TECTA: variants seen among roughly 807,000 people sequenced by gnomAD.
TECTA encodes tectorin alpha.
Under a neutral mutation model 216.8 loss-of-function variants are expected in TECTA, and 128 were observed. The ratio of observed to expected loss-of-function variants is 0.59; its 90% CI spans 0.51 to 0.68. The LOEUF (loss-of-function observed/expected upper bound fraction) is 0.68, where lower values mean the gene tolerates loss of function less well. Ranked by LOEUF, TECTA falls within the 30% of genes least tolerant of loss-of-function variation. The pLI is 0.00. For missense variants in TECTA, 2,551 were observed against 2,786.2 expected, an observed-to-expected ratio of 0.92 and a Z score of 1.90; for synonymous variants, 1,089 against 1,117.1, an observed-to-expected ratio of 0.97 and a Z score of 0.50.
At chr11:121,126,137 G>A (rs1423092371) in intron 8 of TECTA, among the ~76,000 whole-genome samples, 1 of 152,234 alleles carries the variant, frequency 6.6e-6, no homozygotes, top group East Asian at 1.9e-4. Context: ...CACAGCAGGG[G>A]ACGGCAGCTC....
At chr11:121,109,959 A>C (rs766136343) in intron 4 of TECTA, 1 of 187,820 alleles carries the variant, frequency 5.3e-6, no homozygotes, top group Non-Finnish European at 1.1e-5. Flanking sequence ...TAGCGTTCCA[A>C]GTTTGGGCCC....
At chr11:121,137,316 G>A in intron 10 of TECTA, 105 bp from the exon 11 acceptor site, 1 of 1,449,772 alleles carries the variant, frequency 6.9e-7, no homozygotes, top group Non-Finnish European at 9.6e-7. Context: ...ACACGCACAT[G>A]CACTCACAAA....
chr11:121,165,649 G>T (rs537668447), intron 17 of TECTA, among the ~76,000 whole-genome samples: 5 of 152,294 alleles, frequency 3.3e-5, no homozygotes, highest in African/African-American at 1.2e-4. Flanking sequence ...GGTCCAAATT[G>T]ATCTTTTAGA....
At chr11:121,170,678 T>C (rs992452886) in intron 20 of TECTA, among the ~76,000 whole-genome samples, 6 of 152,176 alleles carry the variant, frequency 3.9e-5, no homozygotes, top group Non-Finnish European at 7.4e-5. Flanking sequence ...TGATGATTAG[T>C]AATGTTGAGA....
chr11:121,122,691 AAAG>A (rs774542862), intron 7 of TECTA, among the ~76,000 whole-genome samples: 15,438 of 134,494 alleles, frequency 0.11, 1,442 homozygotes, highest in Non-Finnish European at 0.16. Context: ...AAAAAAAAAA[AAAG>A]AAAGCCAAAA....
chr11:121,165,473 G>A, intron 17 of TECTA, 90 bp downstream of exon 17: 1 of 1,088,664 alleles, frequency 9.2e-7, no homozygotes, highest in Admixed American at 2.3e-5. Context: ...ACTTTGTGAA[G>A]CTTTCCCAAA....
At chr11:121,190,075 A>AAC (rs1227451764) in intron 23 of TECTA, 195 bp downstream of exon 23, 2 of 593,526 alleles carry the variant, frequency 3.4e-6, no homozygotes, top group African/African-American at 3.7e-5. Flanking sequence ...CAACAACAAC[A>AAC]AAAAAACCTT....
At chr11:121,184,725 C>T (rs1482578576) in intron 20 of TECTA, among the ~76,000 whole-genome samples, 3 of 152,184 alleles carry the variant, frequency 2.0e-5, no homozygotes, top group African/African-American at 7.2e-5. Context: ...CACACCGACT[C>T]CCTAAGTGAC....
intron 16 of TECTA, among the ~76,000 whole-genome samples, chr11:121,164,922 G>C (rs1034716741): frequency 8.5e-5 from 13 of 152,192 alleles, no homozygotes; most frequent in African/African-American, 3.1e-4. Flanking sequence ...TAGTGTAGTA[G>C]GTGCCTTAAT....
intron 11 of TECTA, among the ~76,000 whole-genome samples, chr11:121,141,193 T>C (rs563278442): frequency 6.6e-6 from 1 of 152,352 alleles, no homozygotes; most frequent in African/African-American, 2.4e-5. Flanking sequence ...CATTGCAGGA[T>C]CTGCTTATTC....
At chr11:121,180,813 C>CTTTTTTTTTTTTTTTTT (rs34807486) in intron 20 of TECTA, among the ~76,000 whole-genome samples, 1 of 119,998 alleles carries the variant, frequency 8.3e-6, no homozygotes, top group East Asian at 2.5e-4. Context: ...TTTCTTATTC[C>CTTTTTTTTTTTTTTTTT]TTTTTTTTTT....
chr11:121,113,246 G>T lies in TECTA; in HGVS notation c.624+37G>T. On this transcript the variant is annotated intron_variant, in intron 5 of 23. Coordinates refer to ENST00000392793, the MANE Select transcript of TECTA (RefSeq NM_005422.4). The surrounding 1 kb of genome is among the most constrained non-coding windows in gnomAD (Gnocchi z 4.2). Reference sequence around the variant, plus strand: ...TCCACTTCATCCCCCGCGTGTTTCCGTCGCTGCACTCTCTGCTTCTGTGGC... The same window carrying T: ...TCCACTTCATCCCCCGCGTGTTTCCTTCGCTGCACTCTCTGCTTCTGTGGC... 6.2e-7 allele frequency: 1 copy of T among 1,613,266 alleles called. No homozygotes were observed.
Position 121,105,931 on chromosome 11 carries a change from T to C in TECTA, c.165T>C (p.Val55=). The C allele has an allele frequency of 6.2e-7, 1 of 1,614,206 alleles. No individual in the cohort carries two copies. Among genetic ancestry groups the C allele is most frequent in the South Asian group, 1.1e-5 (1 of 91,086 alleles). ...SSSEIKLAIP[V]FFFGVPYRTV... Reference sequence around the variant, plus strand: ...CTGAGATTAAGTTGGCCATCCCAGTTTTCTTCTTTGGCGTTCCTTACCGCA... The same window carrying C: ...CTGAGATTAAGTTGGCCATCCCAGTCTTCTTCTTTGGCGTTCCTTACCGCA... The change falls in exon 3 of 24, where the codon GTT becomes GTC. Residue 55 remains valine (V), a synonymous_variant. Transcript: ENST00000392793. This position sits in a 1 kb window ranked among gnomAD's most constrained non-coding sequence, Gnocchi z 5.3.
At chr11:121,128,897 A>G (rs547696453) in intron 9 of TECTA, among the ~76,000 whole-genome samples, 7 of 152,354 alleles carry the variant, frequency 4.6e-5, no homozygotes, top group African/African-American at 1.7e-4. Flanking sequence ...ACCCAGACTT[A>G]TAGATCCTTA....
intron 13 of TECTA, among the ~76,000 whole-genome samples, chr11:121,155,362 GCCAAA>G (rs762283795): frequency 2.0e-5 from 3 of 152,150 alleles, no homozygotes; most frequent in Non-Finnish European, 4.4e-5. Flanking sequence ...TCAGAGAGAG[GCCAAA>G]CCATCCACTC....
In TECTA at chr11:121,145,581, C is replaced by T; in HGVS notation, c.3570C>T (p.Pro1190=). 3 of 1,614,200 alleles carry T rather than the reference C, an allele frequency of 1.9e-6. No homozygotes were observed. The highest frequency in any genetic ancestry group is 2.5e-6 in the Non-Finnish European group (3 of 1,180,044). Residue 1190 remains proline, a synonymous_variant, in exon 12 of 24, where the codon CCC becomes CCT. Transcript: ENST00000392793. Reference sequence around the variant, plus strand: ...TCAACAGTGAACGGCTCTATCTGCCCCTGAAGCTGGGGCAAGGGAAGATAA... The same window carrying T: ...TCAACAGTGAACGGCTCTATCTGCCTCTGAAGCTGGGGCAAGGGAAGATAA... ...VLVNSERLYL[P]LKLGQGKINI...
chr11:121,138,007 C>T lies in TECTA; in HGVS notation c.3528C>T (p.Tyr1176=). ...FGYSIVIHRA[Y]KHTVLVNSER... is the part of the protein sequence containing the mutation. ...ACAGCATCGTGATCCACCGAGCTTA[C>T]AAGCACACTGTGCTGGTGAGTAGTC... is the stretch of plus-strand genomic sequence containing the variant. The change falls in exon 11 of 24, where the codon TAC becomes TAT. Residue 1176 remains tyrosine (Y), a synonymous_variant. Coordinates refer to ENST00000392793, the MANE Select transcript of TECTA (RefSeq NM_005422.4). 1 of 1,613,916 alleles carries T rather than the reference C, an allele frequency of 6.2e-7. No homozygotes were observed. The highest frequency in any genetic ancestry group is 8.5e-7 in the Non-Finnish European group (1 of 1,179,810).
intron 6 of TECTA, among the ~76,000 whole-genome samples, chr11:121,114,191 TC>T (rs1326145434): frequency 1.3e-5 from 2 of 152,248 alleles, no homozygotes; most frequent in East Asian, 3.9e-4. Context: ...AATCAGTACT[TC>T]CTAGTATGAT....
At chr11:121,173,404 A>T (rs2134202037) in intron 20 of TECTA, among the ~76,000 whole-genome samples, 1 of 143,834 alleles carries the variant, frequency 7.0e-6, no homozygotes, top group East Asian at 2.0e-4. Flanking sequence ...AGCTTTCTAC[A>T]TATGGCTAGC....
Sources: gnomAD v4.1 joint callset for allele counts (sites outside exome capture counted in the v4.1 genomes callset) on GRCh38, gnomAD v4.1.1 for gene constraint, Gnocchi (gnomAD v3.1) non-coding constraint, MANE v1.5 for transcripts, NCBI Gene and HGNC (gene_info 2026-07-23, HGNC 2026-07-21) for gene names.